The following AGBL1 variants were observed in gnomAD, a reference collection of about 807,000 sequenced individuals.
The protein encoded by AGBL1 is AGBL carboxypeptidase 1.
Under a neutral mutation model 118.9 loss-of-function variants are expected in AGBL1, and 130 were observed. The observed-to-expected ratio is 1.09, with a 90% CI of 0.95 to 1.26. The LOEUF is 1.26. AGBL1 is among the 50% of genes most tolerant of loss of function. AGBL1 has a pLI of 0.00. For missense variants in AGBL1, 1,584 were observed against 1,298.1 expected (o/e 1.22, Z -3.38); for synonymous variants, 555 against 478.9 (o/e 1.16, Z -2.08).
intron 17 of AGBL1, among the ~76,000 whole-genome samples, chr15:86,368,758 G>T (rs991523606): frequency 1.3e-5 from 2 of 152,158 alleles, no homozygotes; most frequent in Admixed American, 1.3e-4. Context: ...AGAATGAAGG[G>T]AATGGTGGAG....
intron 1 of AGBL1, among the ~76,000 whole-genome samples, chr15:86,134,371 G>A (rs1246893828): frequency 1.3e-5 from 2 of 152,172 alleles, no homozygotes; most frequent in African/African-American, 2.4e-5. Flanking sequence ...GAAAGGTTCT[G>A]TCTTATTCTT....
At chr15:86,473,216 C>G (rs534532439) in intron 18 of AGBL1, among the ~76,000 whole-genome samples, 74 of 152,200 alleles carry the variant, frequency 4.9e-4, no homozygotes, top group African/African-American at 1.8e-3. Flanking sequence ...TCTAGGAACC[C>G]AGAATGGGAC....
intron 23 of AGBL1, among the ~76,000 whole-genome samples, chr15:86,959,474 A>G (rs2080969339): frequency 6.6e-6 from 1 of 152,054 alleles, no homozygotes; most frequent in Non-Finnish European, 1.5e-5. Flanking sequence ...CTGACTTGCA[A>G]TATGCACTTT....
rs564063458 is a variant in AGBL1 at position 86,521,197 on chromosome 15, C to T, written c.2556-1613C>T. Among the ~76,000 whole-genome samples, 56 of 152,254 alleles carry T rather than the reference C, an allele frequency of 3.7e-4. 1 individual carries two copies. The highest frequency in any genetic ancestry group is 1.3e-3 in the African/African-American group (55 of 41,552). ...GGAAGCTAATATTTAAAGATAATTT[C>T]AGGAACATGGAAATGAATAAGTGGT... On this transcript the variant is annotated intron_variant, in intron 18 of 22. Coordinates refer to ENST00000614907, the MANE Select transcript of AGBL1 (RefSeq NM_001386094.1).
At chr15:86,236,158 C>T (rs2078538498) in intron 6 of AGBL1, among the ~76,000 whole-genome samples, 2 of 152,132 alleles carry the variant, frequency 1.3e-5, no homozygotes, top group Non-Finnish European at 2.9e-5. Context: ...TGTATATAAA[C>T]AGATGACAGT....
chr15:86,766,852 T>TAC (rs10537713), intron 22 of AGBL1, among the ~76,000 whole-genome samples: 101 of 150,634 alleles, frequency 6.7e-4, no homozygotes, highest in African/African-American at 1.8e-3. Context: ...CAAAATAATC[T>TAC]ACACACACAC....
chr15:86,703,865 C>T (rs2086402107), intron 22 of AGBL1, among the ~76,000 whole-genome samples: 2 of 152,040 alleles, frequency 1.3e-5, no homozygotes, highest in Admixed American at 1.3e-4. Context: ...AAACTGGAGG[C>T]ATCATGCTAC....
chr15:86,862,912 A>C (rs923910143), intron 22 of AGBL1, among the ~76,000 whole-genome samples: 1 of 152,186 alleles, frequency 6.6e-6, no homozygotes, highest in Non-Finnish European at 1.5e-5. Flanking sequence ...GTCCTACATT[A>C]ATTGGACCAA....
intron 23 of AGBL1, among the ~76,000 whole-genome samples, chr15:86,941,769 T>C (rs1367483449): frequency 3.9e-5 from 6 of 152,216 alleles, no homozygotes; most frequent in African/African-American, 1.4e-4. Flanking sequence ...CATTGAGAGC[T>C]GCTGACTGCC....
At chr15:86,169,342 T>C (rs2077383988) in intron 5 of AGBL1, among the ~76,000 whole-genome samples, 1 of 152,038 alleles carries the variant, frequency 6.6e-6, no homozygotes, top group Non-Finnish European at 1.5e-5. Flanking sequence ...CTGCAGGAAA[T>C]GGAGGGAACA....
intron 3 of AGBL1, among the ~76,000 whole-genome samples, chr15:86,149,162 A>C (rs1055824911): frequency 3.9e-5 from 6 of 152,198 alleles, no homozygotes; most frequent in African/African-American, 1.4e-4. Context: ...ACTACCAGCC[A>C]CTGCAAAAAC....
intron 17 of AGBL1, chr15:86,296,872 G>GT (rs1769910890): frequency 1.3e-5 from 2 of 152,164 alleles, no homozygotes; most frequent in South Asian, 4.1e-4. Context: ...GTGGATGTGT[G>GT]TAAGTCTGAG....
At chr15:86,961,880 C>T (rs2080996726) in intron 23 of AGBL1, among the ~76,000 whole-genome samples, 1 of 151,982 alleles carries the variant, frequency 6.6e-6, no homozygotes, top group Non-Finnish European at 1.5e-5. Context: ...CTTGATTCAG[C>T]ATTCCTGAAG....
chr15:86,809,195 A>G (rs1283540255), intron 22 of AGBL1, among the ~76,000 whole-genome samples: 1 of 152,166 alleles, frequency 6.6e-6, no homozygotes, highest in East Asian at 1.9e-4. Flanking sequence ...ACTGAGGCAC[A>G]GTGATTCATT....
At chr15:86,240,733 G>A (rs1057359436) in intron 6 of AGBL1, among the ~76,000 whole-genome samples, 5 of 152,256 alleles carry the variant, frequency 3.3e-5, no homozygotes, top group Admixed American at 1.3e-4. Context: ...TTTTCAGGAC[G>A]GCTCTGAAAC....
intron 17 of AGBL1, among the ~76,000 whole-genome samples, chr15:86,356,326 G>A (rs543472364): frequency 1.8e-4 from 26 of 143,672 alleles, no homozygotes; most frequent in African/African-American, 5.4e-4. Flanking sequence ...TTATATCTAC[G>A]AAGATAGACG....
At chr15:86,871,927 A>G (rs151026596) in intron 22 of AGBL1, among the ~76,000 whole-genome samples, 1 of 152,360 alleles carries the variant, frequency 6.6e-6, no homozygotes, top group Non-Finnish European at 1.5e-5. Context: ...TTTAAAATAC[A>G]GTTACATTTA....
intron 6 of AGBL1, among the ~76,000 whole-genome samples, chr15:86,228,589 G>A (rs1040417705): frequency 3.0e-4 from 46 of 152,148 alleles, no homozygotes; most frequent in Non-Finnish European, 5.4e-4. Flanking sequence ...AGTGACAGGC[G>A]GAGGTCATCC....
intron 21 of AGBL1, among the ~76,000 whole-genome samples, chr15:86,588,279 G>C (rs553371375): frequency 6.6e-6 from 1 of 152,178 alleles, no homozygotes; most frequent in East Asian, 1.9e-4. Context: ...TATATTTAGA[G>C]AGCCTTGATC....
Sources: gnomAD v4.1 joint callset for allele counts (sites outside exome capture counted in the v4.1 genomes callset) on GRCh38, gnomAD v4.1.1 for gene constraint, MANE v1.5 for transcripts, NCBI Gene and HGNC (gene_info 2026-07-23, HGNC 2026-07-21) for gene names.